MALAT1: variants seen among roughly 807,000 people sequenced by gnomAD.
MALAT1 encodes the protein metastasis associated lung adenocarcinoma transcript 1.
exon 3 of MALAT1, chr11:65,503,147 CTTCAT>C (rs1330461987): frequency 2.0e-6 from 1 of 509,384 alleles, no homozygotes; most frequent in Non-Finnish European, 3.9e-6. Flanking sequence ...AGAAGAGTTG[CTTCAT>C]TTCATCTGGG....
exon 3 of MALAT1, chr11:65,500,863 G>A (rs762242886): frequency 1.9e-6 from 1 of 518,602 alleles, no homozygotes; most frequent in Admixed American, 1.9e-5. Flanking sequence ...TCGTACTGAG[G>A]TGTAAAGGGA....
exon 3 of MALAT1, chr11:65,501,114 G>A (rs1446472944): frequency 1.9e-6 from 1 of 516,152 alleles, no homozygotes; most frequent in South Asian, 1.4e-5. Context: ...TTGGGGTAAT[G>A]AAGTATTTCA....
At chr11:65,501,598 A>G (rs766800149) in exon 3 of MALAT1, 2 of 518,922 alleles carry the variant, frequency 3.9e-6, no homozygotes, top group Non-Finnish European at 7.7e-6. Context: ...CACAGATGCT[A>G]TAGTACTATT....
chr11:65,503,273 C>G (rs367865679), exon 3 of MALAT1: 9 of 517,288 alleles, frequency 1.7e-5, no homozygotes, highest in African/African-American at 9.6e-5. Flanking sequence ...TAAATATCAA[C>G]CATGGCACTT....
At chr11:65,503,038 G>GC in exon 3 of MALAT1, 1 of 506,826 alleles carries the variant, frequency 2.0e-6, no homozygotes, top group South Asian at 1.4e-5. Context: ...AATAAAAGAA[G>GC]CCGAAATAAA....
exon 3 of MALAT1, chr11:65,501,213 G>C (rs751486943): frequency 1.6e-5 from 7 of 443,332 alleles, no homozygotes; most frequent in Admixed American, 9.6e-5. Context: ...AGGCGGGGGG[G>C]AGTTTTCAGT....
chr11:65,498,909 G>C, intron 2 of MALAT1: 1 of 518,640 alleles, frequency 1.9e-6, no homozygotes, highest in Non-Finnish European at 3.8e-6. Flanking sequence ...GAAAAATCTA[G>C]AAAAGTAAAA....
chr11:65,500,899 C>G (rs754396776), exon 3 of MALAT1: 2 of 515,682 alleles, frequency 3.9e-6, no homozygotes, highest in Admixed American at 3.9e-5. Flanking sequence ...AGGCCGATTT[C>G]CGGGTGTTGT....
exon 3 of MALAT1, chr11:65,503,017 A>G (rs1472587825): frequency 7.9e-6 from 4 of 504,444 alleles, no homozygotes; most frequent in Admixed American, 2.1e-5. Context: ...GTTACACTAC[A>G]TTAATCCTGG....
At chr11:65,500,834 CTAATA>C (rs1565051993) in exon 3 of MALAT1, 3 of 518,684 alleles carry the variant, frequency 5.8e-6, no homozygotes, top group African/African-American at 5.8e-5. Context: ...TATTTATTTT[CTAATA>C]TAATGGGGGA....
chr11:65,505,207 C>T (rs368123182), intron 3 of MALAT1: 61 of 518,366 alleles, frequency 1.2e-4, no homozygotes, highest in African/African-American at 6.9e-4. Flanking sequence ...CTAAAGGCAC[C>T]GAAGGCTTAA....
exon 3 of MALAT1, chr11:65,499,979 G>A (rs1243678104): frequency 4.7e-6 from 2 of 427,198 alleles, no homozygotes; most frequent in Non-Finnish European, 4.6e-6. Context: ...GGATAAAATA[G>A]CACTGAAAAA....
intron 3 of MALAT1, chr11:65,505,012 G>C: frequency 1.9e-6 from 1 of 518,880 alleles, no homozygotes; most frequent in Non-Finnish European, 3.8e-6. Context: ...ACAAAATGAG[G>C]AAAACAGGTG....
intron 1 of MALAT1, chr11:65,497,917 A>G (rs764071066): frequency 3.9e-6 from 2 of 518,632 alleles, no homozygotes; most frequent in Non-Finnish European, 3.9e-6. Flanking sequence ...AGTCCTTGGG[A>G]CGCAGCGACG....
At chr11:65,500,176 C>T (rs1451679576) in exon 3 of MALAT1, 5 of 506,886 alleles carry the variant, frequency 9.9e-6, no homozygotes, top group East Asian at 5.5e-5. Context: ...ACTAAAAGGA[C>T]TGGTGTAATT....
chr11:65,501,388 A>G (rs1590702822), exon 3 of MALAT1: 1 of 518,286 alleles, frequency 1.9e-6, no homozygotes, highest in Non-Finnish European at 3.9e-6. Context: ...AAACTAGAGC[A>G]GTTCTCACGT....
At chr11:65,503,699 C>CT (rs1565054994) in exon 3 of MALAT1, 1 of 517,706 alleles carries the variant, frequency 1.9e-6, no homozygotes, top group Non-Finnish European at 3.9e-6. Flanking sequence ...TTGGGGCAAT[C>CT]TTGGGGGGGA....
At chr11:65,500,214 G>T in exon 3 of MALAT1, 1 of 514,534 alleles carries the variant, frequency 1.9e-6, no homozygotes, top group South Asian at 1.4e-5. Flanking sequence ...GAAGGCTTTT[G>T]GAAGAGTTAG....
At chr11:65,499,445 T>TTA (rs1181720957) in exon 3 of MALAT1, 1 of 473,266 alleles carries the variant, frequency 2.1e-6, no homozygotes, top group Admixed American at 2.3e-5. Context: ...AGCTTAAAGT[T>TTA]TAGTTTAAAA....
Sources: gnomAD v4.1 joint callset for allele counts on GRCh38, gnomAD v4.1.1 for gene constraint, MANE v1.5 for transcripts, NCBI Gene and HGNC (gene_info 2026-07-23, HGNC 2026-07-21) for gene names.